PAX2: variants seen among roughly 807,000 people sequenced by gnomAD.
PAX2 encodes the protein paired box 2.
PAX2 carries 9 observed loss-of-function variants against 41.7 expected under a neutral mutation model. That is an observed-to-expected ratio of 0.22 (90% CI 0.13 to 0.38). PAX2 has a LOEUF of 0.38. Ranked by LOEUF, PAX2 falls within the 10% of genes least tolerant of loss-of-function variation. The pLI is 1.00. For missense variants in PAX2, 418 were observed against 531.6 expected (o/e 0.79, Z 2.10); for synonymous variants, 221 against 212.7 (o/e 1.04, Z -0.34).
intron 8 of PAX2, among the ~76,000 whole-genome samples, chr10:100,825,660 A>G (rs1441268723): frequency 2.6e-5 from 4 of 152,106 alleles, no homozygotes; most frequent in African/African-American, 9.7e-5. Context: ...TCTCATTGGT[A>G]TGGGGAATGG....
intron 3 of PAX2, among the ~76,000 whole-genome samples, chr10:100,762,880 G>A (rs745970426): frequency 5.3e-5 from 8 of 152,194 alleles, no homozygotes; most frequent in Non-Finnish European, 1.0e-4. Context: ...TGGATTGGTC[G>A]CACCATGGGC....
intron 1 of PAX2, chr10:100,749,166 G>A (rs1277543855): frequency 6.1e-6 from 6 of 985,830 alleles, no homozygotes; most frequent in Middle Eastern, 5.2e-4. Context: ...GAAAAATTCC[G>A]ATTACAATTT....
At chr10:100,760,197 A>T (rs2133856468) in intron 3 of PAX2, among the ~76,000 whole-genome samples, 1 of 152,180 alleles carries the variant, frequency 6.6e-6, no homozygotes, top group Non-Finnish European at 1.5e-5. Context: ...AAGCTGTCTA[A>T]ATGGCCCTGG....
rs1279443777 is a variant in PAX2, at chr10:100,791,113, C to T, written c.616+9748C>T. On this transcript the variant is annotated intron_variant, in intron 5 of 9. Transcript: ENST00000355243. The surrounding 1 kb of genome is among the most constrained non-coding windows in gnomAD (Gnocchi z 4.5). ...CCTGTGGCCCATCCTCCAGGTGGCT[C>T]CTAATTTGGCTGCCCCCATGAAATG... 6.6e-6 allele frequency among the ~76,000 whole-genome samples: 1 copy of T among 152,206 alleles called. No homozygotes were observed. The highest frequency in any genetic ancestry group is 1.9e-4 in the East Asian group (1 of 5,198).
intron 5 of PAX2, among the ~76,000 whole-genome samples, chr10:100,788,334 G>A (rs1046144640): frequency 2.0e-5 from 3 of 152,184 alleles, no homozygotes. Context: ...TAAACCAGGC[G>A]TGCCCTGGTC....
chr10:100,738,651 A>T (rs1844849897), intron 1 of PAX2, among the ~76,000 whole-genome samples: 1 of 151,734 alleles, frequency 6.6e-6, no homozygotes, highest in Admixed American at 6.6e-5. Flanking sequence ...GCGGGTCTAG[A>T]CCTCCCAGCC....
intron 3 of PAX2, among the ~76,000 whole-genome samples, chr10:100,754,198 A>G (rs928905372): frequency 6.6e-6 from 1 of 152,244 alleles, no homozygotes; most frequent in African/African-American, 2.4e-5. Context: ...TTGTCTAAGC[A>G]GGAGGGATTT....
chr10:100,735,789 G>C, intron 1 of PAX2: 1 of 1,007,498 alleles, frequency 9.9e-7, no homozygotes. Flanking sequence ...GAGAGGGATG[G>C]GGGCGGCCAT....
At chr10:100,747,775 C>T (rs980930653) in intron 1 of PAX2, 10 of 984,908 alleles carry the variant, frequency 1.0e-5, no homozygotes, top group Non-Finnish European at 1.2e-5. Context: ...TCTCGGCGAG[C>T]GGGCCGGAAA....
intron 7 of PAX2, among the ~76,000 whole-genome samples, chr10:100,818,626 C>T (rs1026029139): frequency 6.6e-5 from 10 of 152,050 alleles, no homozygotes; most frequent in Admixed American, 1.3e-4. Context: ...TATATAGACC[C>T]CTTGAAGTGA....
intron 7 of PAX2, 46 bp downstream of exon 7, chr10:100,809,282 G>T (rs866597535): frequency 1.9e-6 from 3 of 1,593,584 alleles, no homozygotes; most frequent in Middle Eastern, 1.7e-4. Flanking sequence ...TCAGTGGAGG[G>T]TGCCTCAGCC....
In PAX2 at chr10:100,748,731, C is replaced by T. The variant is rs1845309742; in HGVS notation, c.44-1015C>T. 1 of 985,406 alleles carries T rather than the reference C, an allele frequency of 1.0e-6. No homozygotes were observed. The highest frequency in any genetic ancestry group is 1.7e-5 in the African/African-American group (1 of 57,256). The allele number at this position is 985,406 out of a possible 1,614,324, so 61.0% of individuals were successfully genotyped here. On this transcript the variant is annotated intron_variant, in intron 1 of 9. Transcript: ENST00000355243. This position sits in a 1 kb window ranked among gnomAD's most constrained non-coding sequence, Gnocchi z 5.0. ...GCCCGCGCTGGAGCCGGGTTGGAAACCCCGTGCCCTTCTCTTGGCCGAAAG... is the reference window on the plus strand; with the variant it reads ...GCCCGCGCTGGAGCCGGGTTGGAAATCCCGTGCCCTTCTCTTGGCCGAAAG...
rs770479861 is a variant in PAX2 at position 100,826,411 on chromosome 10, C to T, written c.1022-598C>T. Among the ~76,000 whole-genome samples, 2 of 152,222 alleles carry T rather than the reference C, an allele frequency of 1.3e-5. No homozygotes were observed. Among genetic ancestry groups the T allele is most frequent in the Non-Finnish European group, 1.5e-5 (1 of 68,036 alleles). ...CCACGGGCCCTCCGCTCACCGCTAG[C>T]GGACCAGCGGGCAGTCCACCTGCGC... is the stretch of plus-strand genomic sequence containing the variant. On this transcript the variant is annotated intron_variant, in intron 8 of 9. Coordinates refer to ENST00000355243, the MANE Select transcript of PAX2 (RefSeq NM_000278.5). The surrounding 1 kb of genome is among the most constrained non-coding windows in gnomAD (Gnocchi z 5.5).
rs1845370334 is a variant in PAX2, at chr10:100,749,867, C to T, written c.165C>T (p.Ser55=). 1.2e-6 allele frequency: 2 copies of T among 1,612,354 alleles called. No homozygotes were observed. The highest frequency in any genetic ancestry group is 1.7e-6 in the Non-Finnish European group (2 of 1,179,594). Residue 55 remains serine, a synonymous_variant, in exon 2 of 10, where the codon TCC becomes TCT. Coordinates refer to ENST00000355243, the MANE Select transcript of PAX2 (RefSeq NM_000278.5). ...AHQGVRPCDI[S]RQLRVSHGCV... ...AGGGTGTGCGGCCCTGTGACATCTC[C>T]CGGCAGCTGCGGGTCAGCCACGGCT...
Position 100,827,671 on chromosome 10 carries a change from C to G in PAX2, c.*52C>G, listed in dbSNP as rs201495362. The G allele has an allele frequency of 5.8e-4, 931 of 1,613,430 alleles. 2 individuals carry two copies. The highest frequency in any genetic ancestry group is 7.2e-4 in the Non-Finnish European group (845 of 1,179,836). On this transcript the variant is annotated 3_prime_UTR_variant, in exon 10 of 10. Coordinates refer to ENST00000355243, the MANE Select transcript of PAX2 (RefSeq NM_000278.5). The surrounding 1 kb of genome is among the most constrained non-coding windows in gnomAD (Gnocchi z 8.5). ...AGGCCGACAGCTTCGGCCTCCACAT[C>G]GTCCCCGTCTGACCCCACCCCGGAG...
intron 1 of PAX2, chr10:100,747,237 G>A (rs1171058782): frequency 6.6e-6 from 1 of 152,250 alleles, no homozygotes; most frequent in Non-Finnish European, 1.5e-5. Flanking sequence ...TGGCCAGGGG[G>A]TCAGCAAAGA....
chr10:100,770,893 A>T (rs1352910733), intron 3 of PAX2, among the ~76,000 whole-genome samples: 1 of 152,240 alleles, frequency 6.6e-6, no homozygotes, highest in Non-Finnish European at 1.5e-5. Context: ...AGTATGAGAA[A>T]GGAACTTTCT....
intron 3 of PAX2, among the ~76,000 whole-genome samples, chr10:100,776,509 A>G (rs1846392720): frequency 6.6e-6 from 1 of 152,204 alleles, no homozygotes; most frequent in South Asian, 2.1e-4. Flanking sequence ...AATCCTTTGC[A>G]AGGTCAGTTT....
chr10:100,747,613 C>T (rs981985672), intron 1 of PAX2: 2 of 983,306 alleles, frequency 2.0e-6, no homozygotes, highest in South Asian at 4.7e-5. Flanking sequence ...ACAAGAGAGC[C>T]GAGGAGGGAG....
Sources: gnomAD v4.1 joint callset for allele counts (sites outside exome capture counted in the v4.1 genomes callset) on GRCh38, gnomAD v4.1.1 for gene constraint, Gnocchi (gnomAD v3.1) non-coding constraint, MANE v1.5 for transcripts, NCBI Gene and HGNC (gene_info 2026-07-23, HGNC 2026-07-21) for gene names.